The following DPYSL2 variants were observed in gnomAD, a reference collection of about 807,000 sequenced individuals.
DPYSL2 encodes dihydropyrimidinase-related protein 2.
Under a neutral mutation model 69.9 loss-of-function variants are expected in DPYSL2, and 13 were observed. The observed-to-expected ratio is 0.19, with a 90% CI of 0.12 to 0.30. The LOEUF (loss-of-function observed/expected upper bound fraction) is 0.30, where lower values mean the gene tolerates loss of function less well. DPYSL2 is among the 10% of genes least tolerant of loss of function. The pLI is 1.00. For missense variants in DPYSL2, 587 were observed against 918.9 expected (o/e 0.64, Z 4.67); for synonymous variants, 326 against 359.1 (o/e 0.91, Z 1.04).
At chr8:26,535,269 C>T (rs753372003) in intron 1 of DPYSL2, among the ~76,000 whole-genome samples, 3 of 152,158 alleles carry the variant, frequency 2.0e-5, no homozygotes, top group Non-Finnish European at 4.4e-5. Context: ...GGGCCCCACC[C>T]TCATGACCTG....
intron 3 of DPYSL2, among the ~76,000 whole-genome samples, chr8:26,600,979 C>T (rs1370235503): frequency 6.6e-6 from 1 of 152,212 alleles, no homozygotes; most frequent in Non-Finnish European, 1.5e-5. Context: ...CCTCTTCCTC[C>T]AGTGTCACCC....
intron 1 of DPYSL2, among the ~76,000 whole-genome samples, chr8:26,529,215 C>CAT (rs948859768): frequency 3.3e-5 from 5 of 151,930 alleles, no homozygotes; most frequent in Admixed American, 6.6e-5. Context: ...ATTCTGGCCT[C>CAT]ATATATATAT....
At chr8:26,589,501 G>T (rs767875388) in intron 3 of DPYSL2, among the ~76,000 whole-genome samples, 15 of 152,260 alleles carry the variant, frequency 9.9e-5, no homozygotes, top group Non-Finnish European at 2.1e-4. Flanking sequence ...TTGATATCCT[G>T]CTTCCTCTGA....
chr8:26,617,888 G>A lies in DPYSL2; in HGVS notation c.629-6255G>A, dbSNP rs1802391828. Among the ~76,000 whole-genome samples the A allele has an allele frequency of 3.3e-5, 5 of 152,190 alleles. No individual in the cohort carries two copies. In the South Asian group the frequency reaches 1.0e-3, roughly 32 times the overall value. On this transcript the variant is annotated intron_variant, in intron 3 of 13. Coordinates refer to ENST00000521913, the MANE Select transcript of DPYSL2 (RefSeq NM_001197293.3). The surrounding 1 kb of genome is among the most constrained non-coding windows in gnomAD (Gnocchi z 4.7). ...GGGAGTGACTGTAAGTGGGTACCAGGTTTCTTTTTTGAGTCATGTTCTAAA... is the reference window on the plus strand; with the variant it reads ...GGGAGTGACTGTAAGTGGGTACCAGATTTCTTTTTTGAGTCATGTTCTAAA...
At chr8:26,613,218 C>T (rs1480453729) in intron 3 of DPYSL2, among the ~76,000 whole-genome samples, 1 of 152,204 alleles carries the variant, frequency 6.6e-6, no homozygotes, top group Non-Finnish European at 1.5e-5. Flanking sequence ...ACATCATCTT[C>T]AGAATGTGAA....
At chr8:26,630,601 C>T (rs1802747111) in intron 7 of DPYSL2, among the ~76,000 whole-genome samples, 1 of 86,544 alleles carries the variant, frequency 1.2e-5, no homozygotes, top group Admixed American at 9.5e-5. Flanking sequence ...CATCTCCTTC[C>T]CACAACTCCA....
chr8:26,593,604 A>G lies in DPYSL2; in HGVS notation c.628+9621A>G, dbSNP rs1321865493. Among the ~76,000 whole-genome samples, 1 of 152,192 alleles carries G rather than the reference A, an allele frequency of 6.6e-6. No individual in the cohort carries two copies. The highest frequency in any genetic ancestry group is 1.5e-5 in the Non-Finnish European group (1 of 68,038). ...GGGGCTGAGCTAATTGTCACCAGAA[A>G]GAGCCTCCTCCTTCAGTTGCTGTCC... is the stretch of plus-strand genomic sequence containing the variant. On this transcript the variant is annotated intron_variant, in intron 3 of 13. Transcript: ENST00000521913. This position sits in a 1 kb window ranked among gnomAD's most constrained non-coding sequence, Gnocchi z 5.7.
At chr8:26,561,150 G>C (rs1801063952) in intron 1 of DPYSL2, among the ~76,000 whole-genome samples, 1 of 152,134 alleles carries the variant, frequency 6.6e-6, no homozygotes. Context: ...CCCATCGGAT[G>C]TGGGAGTGGT....
intron 8 of DPYSL2, among the ~76,000 whole-genome samples, chr8:26,638,842 T>C (rs1024323287): frequency 3.9e-5 from 6 of 152,232 alleles, no homozygotes; most frequent in Non-Finnish European, 8.8e-5. Context: ...GCCACCTCTC[T>C]TTCCATGGAG....
In DPYSL2 at chr8:26,650,331, T is replaced by C. The variant is rs572488578; in HGVS notation, c.1597-1926T>C. Among the ~76,000 whole-genome samples the C allele has an allele frequency of 5.9e-5, 9 of 152,250 alleles. 1 individual carries two copies. The South Asian group carries it at 1.7e-3, about 28-fold the overall frequency. On this transcript the variant is annotated intron_variant, in intron 11 of 13. Coordinates refer to ENST00000521913, the MANE Select transcript of DPYSL2 (RefSeq NM_001197293.3). The surrounding 1 kb of genome is among the most constrained non-coding windows in gnomAD (Gnocchi z 5.3). ...GAGGCTGCGCCCATACTCTACCCAG[T>C]AGGGCACAAGAGGAGGTTGTCAGGG...
chr8:26,578,596 G>T, intron 1 of DPYSL2: 1 of 1,272,424 alleles, frequency 7.9e-7, no homozygotes, highest in Non-Finnish European at 9.9e-7. Context: ...GTCGGCCCGC[G>T]GGGTGCAAGC....
At chr8:26,526,722 G>A (rs1226584088) in intron 1 of DPYSL2, among the ~76,000 whole-genome samples, 1 of 152,240 alleles carries the variant, frequency 6.6e-6, no homozygotes, top group African/African-American at 2.4e-5. Context: ...ATGTCCTTCA[G>A]TGAGTGACTA....
intron 1 of DPYSL2, among the ~76,000 whole-genome samples, chr8:26,522,962 A>C (rs1808413328): frequency 6.6e-6 from 1 of 152,080 alleles, no homozygotes; most frequent in Non-Finnish European, 1.5e-5. Flanking sequence ...CCAGTACCTA[A>C]TTTCCTAGAA....
rs1585503100 is a variant in DPYSL2 at position 26,550,672 on chromosome 8, G to A, written c.355-31297G>A. ...TAGATAGACTGATAGATGACAAGTG[G>A]CTTATTAGAGGAATTAGCTCACTCT... On this transcript the variant is annotated intron_variant, in intron 1 of 13. Coordinates refer to ENST00000521913, the MANE Select transcript of DPYSL2 (RefSeq NM_001197293.3). Among the ~76,000 whole-genome samples, 4 of 152,296 alleles carry A rather than the reference G, an allele frequency of 2.6e-5. No homozygotes were observed. In the South Asian group the frequency reaches 8.3e-4, roughly 32 times the overall value.
intron 1 of DPYSL2, among the ~76,000 whole-genome samples, chr8:26,559,625 TA>T (rs1462047894): frequency 6.6e-6 from 1 of 152,206 alleles, no homozygotes; most frequent in Non-Finnish European, 1.5e-5. Flanking sequence ...CTTAGTTCTT[TA>T]AGTAATTTGG....
chr8:26,541,919 G>T (rs560005033), intron 1 of DPYSL2, among the ~76,000 whole-genome samples: 1 of 152,098 alleles, frequency 6.6e-6, no homozygotes, highest in Non-Finnish European at 1.5e-5. Flanking sequence ...TAACAAAATG[G>T]CAATGGTAAA....
rs1372764709 is a variant in DPYSL2, at chr8:26,656,465, T to G, written c.*759T>G. The G allele has an allele frequency of 6.6e-6, 1 of 152,560 alleles. No individual in the cohort carries two copies. Among genetic ancestry groups the G allele is most frequent in the African/African-American group, 2.4e-5 (1 of 41,432 alleles). The allele number at this position is 152,560 out of a possible 1,614,324, so 9.5% of individuals were successfully genotyped here. On this transcript the variant is annotated 3_prime_UTR_variant, in exon 14 of 14. Transcript: ENST00000521913. ...TCTTCTCTTTTACCATTTTTCTGCG[T>G]GCTCTCACTCTCTCTTTCTCTCTCT...
At position 26,642,829 on chromosome 8, in the gene DPYSL2, C is replaced by T. The variant is rs1214343255; in HGVS notation, c.1127-610C>T. The stretch of plus-strand genomic sequence containing the variant: ...CCAGTTTGTTTCTCTCTCACAGAGT[C>T]AGCTGTGAAGATGGTGGCTGTAACG... On this transcript the variant is annotated intron_variant, in intron 8 of 13. Coordinates refer to ENST00000521913, the MANE Select transcript of DPYSL2 (RefSeq NM_001197293.3). This position sits in a 1 kb window ranked among gnomAD's most constrained non-coding sequence, Gnocchi z 5.3. 1 of 152,232 alleles carries T rather than the reference C, an allele frequency of 6.6e-6. No individual in the cohort carries two copies. The highest frequency in any genetic ancestry group is 2.4e-5 in the African/African-American group (1 of 41,432). 9.4% of individuals were successfully genotyped at this position (152,232 alleles called of 1,614,324 possible).
At chr8:26,600,132 G>A (rs1405570919) in intron 3 of DPYSL2, among the ~76,000 whole-genome samples, 2 of 152,318 alleles carry the variant, frequency 1.3e-5, no homozygotes, top group African/African-American at 4.8e-5. Flanking sequence ...ACATTTATGA[G>A]TAGACCACAT....
Sources: gnomAD v4.1 joint callset for allele counts (sites outside exome capture counted in the v4.1 genomes callset) on GRCh38, gnomAD v4.1.1 for gene constraint, Gnocchi (gnomAD v3.1) non-coding constraint, MANE v1.5 for transcripts, NCBI Gene and HGNC (gene_info 2026-07-23, HGNC 2026-07-21) for gene names.